The following MIPEP variants were observed in gnomAD, a reference collection of about 807,000 sequenced individuals.
The protein encoded by MIPEP is mitochondrial intermediate peptidase.
In MIPEP, 79 loss-of-function variants were observed where a neutral mutation model predicts 90.3. That is an observed-to-expected ratio of 0.87 (90% CI 0.73 to 1.05). The LOEUF (loss-of-function observed/expected upper bound fraction) is 1.05, where lower values mean the gene tolerates loss of function less well. Ranked by LOEUF, MIPEP falls within the 50% of genes least tolerant of loss-of-function variation. The pLI is 0.00. For synonymous variants in MIPEP, 334 were observed against 315.8 expected (o/e 1.06, Z -0.61); for missense variants, 940 against 905.6 (o/e 1.04, Z -0.49).
chr13:23,745,979 C>T (rs1952378902), intron 18 of MIPEP, among the ~76,000 whole-genome samples: 1 of 150,118 alleles, frequency 6.7e-6, no homozygotes, highest in East Asian at 2.0e-4. Flanking sequence ...GATACAACAT[C>T]TGCTTCTGTA....
At chr13:23,881,915 A>C in intron 2 of MIPEP, 128 bp from the exon 3 acceptor site, 1 of 654,636 alleles carries the variant, frequency 1.5e-6, no homozygotes, top group Non-Finnish European at 2.7e-6. Flanking sequence ...TCCATTACTG[A>C]CTTTTTCCTA....
intron 16 of MIPEP, among the ~76,000 whole-genome samples, chr13:23,778,874 A>C (rs1453815176): frequency 6.6e-6 from 1 of 152,148 alleles, no homozygotes; most frequent in Non-Finnish European, 1.5e-5. Context: ...TGATTCTACA[A>C]CACCACACTC....
intron 10 of MIPEP, among the ~76,000 whole-genome samples, chr13:23,851,769 G>T (rs2137482379): frequency 6.6e-6 from 1 of 151,574 alleles, no homozygotes; most frequent in South Asian, 2.1e-4. Flanking sequence ...ACCATAACTT[G>T]CTGCAGCCTT....
At chr13:23,858,796 G>T in intron 10 of MIPEP, 64 bp downstream of exon 10, 1 of 1,418,798 alleles carries the variant, frequency 7.0e-7, no homozygotes, top group Non-Finnish European at 1.0e-6. Context: ...GATGACAGTA[G>T]CTGCTGAATA....
chr13:23,756,280 G>A (rs1034384290), intron 18 of MIPEP, among the ~76,000 whole-genome samples: 3 of 152,072 alleles, frequency 2.0e-5, no homozygotes, highest in East Asian at 1.9e-4. Flanking sequence ...TCAGCCTCCC[G>A]AGTAGCTGGG....
In MIPEP at chr13:23,810,704, T is replaced by C. The variant is rs150196382; in HGVS notation, c.1654-780A>G. Among the ~76,000 whole-genome samples, 942 of 152,336 alleles carry C rather than the reference T, an allele frequency of 6.2e-3. 5 individuals are homozygous for C. Among genetic ancestry groups the C allele is most frequent in the Non-Finnish European group, 9.6e-3 (650 of 68,030 alleles). On this transcript the variant is annotated intron_variant, in intron 14 of 18. Transcript: ENST00000382172. ...TAAAGACCAATGGCAAGTTACTCAG[T>C]GGTATGGTCGTATAAATTAACCACC...
chr13:23,827,486 C>T (rs574775065), intron 14 of MIPEP, among the ~76,000 whole-genome samples: 5 of 152,004 alleles, frequency 3.3e-5, no homozygotes, highest in African/African-American at 7.2e-5. Context: ...AGATGAATTC[C>T]GACAGTTTTA....
At chr13:23,749,569 T>C (rs17079291) in intron 18 of MIPEP, among the ~76,000 whole-genome samples, 26,958 of 152,210 alleles carry the variant, frequency 0.18, 2,827 homozygotes, top group Non-Finnish European at 0.23. Flanking sequence ...CAGCCCATTC[T>C]GTACAGAGTC....
intron 16 of MIPEP, among the ~76,000 whole-genome samples, chr13:23,782,494 G>A (rs1347911942): frequency 6.6e-6 from 1 of 152,140 alleles, no homozygotes; most frequent in Admixed American, 6.6e-5. Context: ...ATGCCCACAA[G>A]AGAAAGCAGG....
intron 15 of MIPEP, among the ~76,000 whole-genome samples, chr13:23,806,579 G>T (rs1372910982): frequency 6.6e-6 from 1 of 152,076 alleles, no homozygotes; most frequent in Non-Finnish European, 1.5e-5. Flanking sequence ...TCGGGAGGCT[G>T]AGGCAGGAGA....
At chr13:23,755,589 A>C (rs535281623) in intron 18 of MIPEP, among the ~76,000 whole-genome samples, 63 of 152,374 alleles carry the variant, frequency 4.1e-4, no homozygotes, top group Middle Eastern at 3.4e-3. Context: ...TCAGCTGCAA[A>C]TATAACCATC....
intron 13 of MIPEP, among the ~76,000 whole-genome samples, chr13:23,837,293 C>A (rs1387698279): frequency 6.6e-6 from 1 of 152,070 alleles, no homozygotes; most frequent in African/African-American, 2.4e-5. Flanking sequence ...CAATATAAAA[C>A]ACTGTAAAAT....
rs1311374930 is a variant in MIPEP at position 23,841,343 on chromosome 13, G to A, written c.1252C>T (p.Arg418Ter). ...GAGCAGGAGGAGCTCACCAGTTTTC[G>A]GACATCTTCGCTCCACACCTCTCCT... Reference protein sequence around the residue: ...AKGEVWSEDVRKLAVVHESEG... With the variant: ...AKGEVWSEDV The change falls in exon 11 of 19, where the codon CGA becomes TGA. Residue 418 changes from arginine (R) to a stop codon, truncating the protein, a stop_gained. Transcript: ENST00000382172. LOFTEE classifies it high-confidence loss of function. 9 of 1,609,644 alleles carry A rather than the reference G, an allele frequency of 5.6e-6. No individual in the cohort carries two copies. The highest frequency in any genetic ancestry group is 3.3e-5 in the South Asian group (3 of 89,838).
Position 23,886,438 on chromosome 13 carries a change from T to C in MIPEP, c.258A>G (p.Arg86=). The change falls in exon 2 of 19, where the codon AGA becomes AGG. Residue 86 remains arginine, a synonymous_variant. Coordinates refer to ENST00000382172, the MANE Select transcript of MIPEP (RefSeq NM_005932.4). ...GFHIAQEKAL[R]KTELLVDRAC... is the part of the protein sequence containing the mutation. ...CACGGTCCACAAGCAATTCTGTCTT[T>C]CTCAAGGCTTTTTCTTGTGCAATAT... 6.2e-7 allele frequency: 1 copy of C among 1,607,866 alleles called. No homozygotes were observed. The highest frequency in any genetic ancestry group is 1.7e-4 in the Middle Eastern group (1 of 6,048).
chr13:23,830,915 G>A (rs1868707734), intron 14 of MIPEP, among the ~76,000 whole-genome samples: 1 of 152,156 alleles, frequency 6.6e-6, no homozygotes, highest in Non-Finnish European at 1.5e-5. Context: ...CCCAGCTCCA[G>A]GCAATATGCT....
chr13:23,866,348 C>T (rs561526367), intron 7 of MIPEP, among the ~76,000 whole-genome samples: 7 of 152,310 alleles, frequency 4.6e-5, no homozygotes, highest in Admixed American at 2.0e-4. Context: ...GGACCCAGAG[C>T]ACATCTTACG....
At chr13:23,829,640 G>A (rs1239737505) in intron 14 of MIPEP, among the ~76,000 whole-genome samples, 2 of 151,954 alleles carry the variant, frequency 1.3e-5, no homozygotes, top group Non-Finnish European at 2.9e-5. Flanking sequence ...ACATCTGACA[G>A]AAAACAAAAA....
chr13:23,810,082 G>T (rs1235595516), intron 14 of MIPEP, among the ~76,000 whole-genome samples, 158 bp from the exon 15 acceptor site: 4 of 152,100 alleles, frequency 2.6e-5, no homozygotes, highest in African/African-American at 9.7e-5. Context: ...TAGTTGGCAA[G>T]ACAACATGAA....
intron 14 of MIPEP, among the ~76,000 whole-genome samples, chr13:23,831,392 G>GA: frequency 7.0e-6 from 1 of 142,594 alleles, no homozygotes; most frequent in Admixed American, 6.8e-5. Context: ...GCGGGGGGGG[G>GA]ATGTGGATGG....
Sources: allele counts gnomAD v4.1 joint callset (sites outside exome capture counted in the v4.1 genomes callset), GRCh38; gene constraint gnomAD v4.1.1; transcripts MANE v1.5; gene names NCBI Gene and HGNC (gene_info 2026-07-23, HGNC 2026-07-21).